The following DDAH1 variants were observed in gnomAD, a reference collection of about 807,000 sequenced individuals.
DDAH1 encodes N(G),N(G)-dimethylarginine dimethylaminohydrolase 1.
In DDAH1, 19 loss-of-function variants were observed where a neutral mutation model predicts 28.8. The ratio of observed to expected loss-of-function variants is 0.66; its 90% CI spans 0.46 to 0.97. DDAH1 has a LOEUF of 0.97. Among genes scored for constraint, DDAH1 ranks in the 50% least tolerant of loss-of-function variants. The pLI is 0.00. For synonymous variants in DDAH1, 153 were observed against 154.4 expected (o/e 0.99, Z 0.07); for missense variants, 326 against 375.9 (o/e 0.87, Z 1.10).
chr1:85,476,197 T>C (rs191483056), intron 2 of DDAH1, among the ~76,000 whole-genome samples: 1 of 152,318 alleles, frequency 6.6e-6, no homozygotes, highest in African/African-American at 2.4e-5. Flanking sequence ...TATTTTGCCC[T>C]TCACCTACTT....
At chr1:85,486,807 G>A (rs1227161885) in intron 2 of DDAH1, among the ~76,000 whole-genome samples, 1 of 152,190 alleles carries the variant, frequency 6.6e-6, no homozygotes, top group East Asian at 1.9e-4. Flanking sequence ...AAAAAGGCAT[G>A]GAGGTAGAGA....
At chr1:85,533,739 G>A (rs1422551110) in intron 1 of DDAH1, among the ~76,000 whole-genome samples, 1 of 152,102 alleles carries the variant, frequency 6.6e-6, no homozygotes, top group Non-Finnish European at 1.5e-5. Context: ...TACCTATTCT[G>A]CCCTACTTGG....
upstream of DDAH1, among the ~76,000 whole-genome samples, chr1:85,468,635 T>G (rs1655474098): frequency 6.6e-6 from 1 of 151,654 alleles, no homozygotes; most frequent in South Asian, 2.1e-4. Context: ...TTCTCCTGCC[T>G]CAGCCTCCTG....
intron 4 of DDAH1, among the ~76,000 whole-genome samples, chr1:85,339,056 A>T (rs1319615548): frequency 1.3e-5 from 2 of 149,740 alleles, no homozygotes; most frequent in African/African-American, 4.9e-5. Context: ...CAAAAAAAAA[A>T]AAAAAAATAT....
chr1:85,490,052 A>G (rs1656336034), intron 2 of DDAH1, among the ~76,000 whole-genome samples: 1 of 152,172 alleles, frequency 6.6e-6, no homozygotes, highest in Non-Finnish European at 1.5e-5. Flanking sequence ...GTGGAGAAAG[A>G]TGCAATGAAG....
At chr1:85,347,604 C>T (rs904166950) in intron 4 of DDAH1, among the ~76,000 whole-genome samples, 16 of 148,294 alleles carry the variant, frequency 1.1e-4, no homozygotes, top group African/African-American at 2.5e-4. Flanking sequence ...CATCACACAC[C>T]GGGGCCTGTC....
chr1:85,414,751 A>G (rs1209099890), intron 1 of DDAH1, among the ~76,000 whole-genome samples: 1 of 152,044 alleles, frequency 6.6e-6, no homozygotes, highest in Admixed American at 6.6e-5. Flanking sequence ...CTTCTATTTT[A>G]TTGTTCTTTG....
At chr1:85,497,101 A>G (rs185811614) in intron 1 of DDAH1, among the ~76,000 whole-genome samples, 1 of 152,350 alleles carries the variant, frequency 6.6e-6, no homozygotes, top group East Asian at 1.9e-4. Context: ...AGAACAGCAC[A>G]ATGACTGACA....
chr1:85,501,234 T>C (rs1156886361), intron 1 of DDAH1, among the ~76,000 whole-genome samples: 3 of 152,204 alleles, frequency 2.0e-5, no homozygotes, highest in Non-Finnish European at 4.4e-5. Flanking sequence ...ACAAAGCTGT[T>C]TTTAAACTTT....
intron 4 of DDAH1, among the ~76,000 whole-genome samples, chr1:85,330,901 T>C (rs994490233): frequency 5.3e-5 from 8 of 152,182 alleles, no homozygotes; most frequent in Non-Finnish European, 1.0e-4. Context: ...GACAAGCACA[T>C]GAAGAGTATG....
At chr1:85,420,752 T>C (rs757131847) in intron 1 of DDAH1, among the ~76,000 whole-genome samples, 3 of 152,188 alleles carry the variant, frequency 2.0e-5, no homozygotes, top group Non-Finnish European at 2.9e-5. Context: ...TTCCACACTC[T>C]TCCAACCTCT....
At chr1:85,538,846 C>T (rs1435352250) in intron 1 of DDAH1, among the ~76,000 whole-genome samples, 2 of 152,208 alleles carry the variant, frequency 1.3e-5, no homozygotes, top group Admixed American at 1.3e-4. Context: ...CCTGCGGGAT[C>T]AATTATACTC....
At chr1:85,353,341 T>C (rs1649326607) in intron 2 of DDAH1, among the ~76,000 whole-genome samples, 1 of 152,180 alleles carries the variant, frequency 6.6e-6, no homozygotes, top group Non-Finnish European at 1.5e-5. Flanking sequence ...CAGAGTATTA[T>C]GGTGAAGTAT....
At chr1:85,535,369 A>G (rs1221391261) in intron 1 of DDAH1, among the ~76,000 whole-genome samples, 2 of 130,700 alleles carry the variant, frequency 1.5e-5, no homozygotes, top group East Asian at 4.3e-4. Flanking sequence ...AAACTCTTAC[A>G]TTCTAACCTA....
chr1:85,567,540 C>G (rs1407008596), intron 1 of DDAH1, among the ~76,000 whole-genome samples: 2 of 152,168 alleles, frequency 1.3e-5, no homozygotes, highest in East Asian at 3.8e-4. Context: ...CCATGTGGGA[C>G]TGTAAGTCCA....
At chr1:85,365,431 T>C in intron 1 of DDAH1, among the ~76,000 whole-genome samples, 1 of 152,212 alleles carries the variant, frequency 6.6e-6, no homozygotes, top group Middle Eastern at 3.2e-3. Context: ...TGAACTTGCA[T>C]TTGGTTTCTA....
chr1:85,443,188 T>G (rs1483307309), intron 1 of DDAH1, among the ~76,000 whole-genome samples: 1 of 152,226 alleles, frequency 6.6e-6, no homozygotes, highest in Non-Finnish European at 1.5e-5. Flanking sequence ...TAATCCATCT[T>G]GAATTAATTT....
chr1:85,468,089 G>C (rs773087918), upstream of DDAH1, among the ~76,000 whole-genome samples: 5 of 152,128 alleles, frequency 3.3e-5, no homozygotes, highest in African/African-American at 7.2e-5. Flanking sequence ...TAAGGGAAAG[G>C]CATTTTCAAA....
chr1:85,565,028 C>T (rs1659254055), intron 1 of DDAH1, among the ~76,000 whole-genome samples: 1 of 151,756 alleles, frequency 6.6e-6, no homozygotes, highest in Non-Finnish European at 1.5e-5. Flanking sequence ...AACCCCATTT[C>T]TACTGAAAAT....
Sources: allele counts gnomAD v4.1 joint callset (sites outside exome capture counted in the v4.1 genomes callset), GRCh38; gene constraint gnomAD v4.1.1; transcripts MANE v1.5; gene names NCBI Gene and HGNC (gene_info 2026-07-23, HGNC 2026-07-21).